The following UNC80 variants were observed in gnomAD, a reference collection of about 807,000 sequenced individuals.
The protein encoded by UNC80 is unc-80 subunit of NALCN channel complex.
A neutral mutation model predicts 384.6 loss-of-function variants in UNC80; 164 were observed. That is an observed-to-expected ratio of 0.43 (90% CI 0.38 to 0.49). The LOEUF is 0.49. UNC80 is among the 20% of genes least tolerant of loss of function. The probability of loss-of-function intolerance (pLI) is 0.00; values close to 1 mark genes in which losing one functional copy is unlikely to be tolerated. For synonymous variants in UNC80, 1,486 were observed against 1,527.8 expected (o/e 0.97, Z 0.64); for missense variants, 3,330 against 4,143.0 (o/e 0.80, Z 5.39).
intron 24 of UNC80, among the ~76,000 whole-genome samples, chr2:209,879,494 C>T (rs1368099721): frequency 6.6e-6 from 1 of 152,024 alleles, no homozygotes; most frequent in African/African-American, 2.4e-5. Flanking sequence ...ATATGATAGC[C>T]CTGAAAGAGC....
At chr2:209,818,027 T>G in intron 11 of UNC80, 75 bp downstream of exon 11, 1 of 1,488,892 alleles carries the variant, frequency 6.7e-7, no homozygotes. Flanking sequence ...CCATGTTACT[T>G]TCCCATTGTA....
intron 35 of UNC80, among the ~76,000 whole-genome samples, chr2:209,923,725 T>C (rs954306678): frequency 6.6e-6 from 1 of 152,204 alleles, no homozygotes; most frequent in Non-Finnish European, 1.5e-5. Context: ...GATGTTAACA[T>C]AGATACTCCA....
chr2:209,949,996 T>C (rs1385112357), intron 47 of UNC80, among the ~76,000 whole-genome samples: 1 of 151,230 alleles, frequency 6.6e-6, no homozygotes, highest in Non-Finnish European at 1.5e-5. Flanking sequence ...CCCTGCTAAG[T>C]TTTTTGATTT....
rs2125001307 is a variant in UNC80 at position 209,959,701 on chromosome 2, A to T, written c.7799A>T (p.His2600Leu). Reference sequence around the variant, plus strand: ...TTGGAACTGCTGGATGTGAAGTCTCACATGAGGTACTGGCCTCGCTTTCCC... The same window carrying T: ...TTGGAACTGCTGGATGTGAAGTCTCTCATGAGGTACTGGCCTCGCTTTCCC... Reference protein sequence around the residue: ...IALELLDVKSHMRLAEIAHSL... With the variant: ...IALELLDVKSLMRLAEIAHSL... Residue 2600 changes from histidine to leucine, a missense_variant, in exon 51 of 65, where the codon CAC becomes CTC. This residue lies in a region of UNC80 where 1,049 missense variants were observed against 1,488.6 expected (regional missense o/e 0.70). Transcript: ENST00000673920. The T allele has an allele frequency of 6.4e-7, 1 of 1,550,642 alleles. No individual in the cohort carries two copies. Among genetic ancestry groups the T allele is most frequent in the Admixed American group, 2.0e-5 (1 of 50,980 alleles).
chr2:209,896,766 G>A (rs1258985625), intron 28 of UNC80, among the ~76,000 whole-genome samples: 1 of 152,048 alleles, frequency 6.6e-6, no homozygotes, highest in Admixed American at 6.6e-5. Context: ...TTGAGAGCAC[G>A]GTCATGGTGT....
chr2:209,836,653 A>G (rs1219301909), intron 18 of UNC80, among the ~76,000 whole-genome samples: 1 of 152,148 alleles, frequency 6.6e-6, no homozygotes, highest in Non-Finnish European at 1.5e-5. Context: ...TCATGATCCC[A>G]ATAGGCCTAG....
intron 29 of UNC80, among the ~76,000 whole-genome samples, chr2:209,909,664 A>G (rs1415251471): frequency 6.6e-6 from 1 of 152,182 alleles, no homozygotes; most frequent in Admixed American, 6.5e-5. Context: ...ACCACAAGTG[A>G]TAAATCCTTA....
rs1156483358 is a variant in UNC80, at chr2:209,815,282, A to G, written c.1226A>G (p.Glu409Gly). 3.2e-6 allele frequency: 5 copies of G among 1,551,704 alleles called. No homozygotes were observed. Among genetic ancestry groups the G allele is most frequent in the Non-Finnish European group, 3.5e-6 (4 of 1,146,986 alleles). ...GATCTCACCATGAAGTGTAACGAGG[A>G]GGAAAAATCTCTTAGCTCTGAGGCC... ...TQDLTMKCNE[E>G]EKSLSSEAFS... Residue 409 changes from glutamate (E) to glycine (G), a missense_variant, in exon 9 of 65, where the codon GAG becomes GGG. This residue lies in a region of UNC80 where 937 missense variants were observed against 1,026.8 expected (regional missense o/e 0.91). Transcript: ENST00000673920.
In UNC80 at chr2:209,935,571, TAA is replaced by T. The variant is rs2091191341; in HGVS notation, c.6179-140_6179-139del. The T allele has an allele frequency of 8.7e-6, 3 of 346,574 alleles. 1 individual carries two copies. The South Asian group carries it at 3.6e-4, about 41-fold the overall frequency. The allele number at this position is 346,574 out of a possible 1,614,324, so 21.5% of individuals were successfully genotyped here. On this transcript the variant is annotated intron_variant, in intron 39 of 64. Transcript: ENST00000673920. ...CTTAAATTTCCAGGTTAAAAATAAA[TAA>T]AATATATATGTAACTATGAATTAAG...
At chr2:209,909,729 C>A (rs975021547) in intron 29 of UNC80, among the ~76,000 whole-genome samples, 3 of 152,152 alleles carry the variant, frequency 2.0e-5, no homozygotes, top group Non-Finnish European at 4.4e-5. Flanking sequence ...GGTCAGGATG[C>A]CGAGAGGAGT....
chr2:209,852,527 T>A lies in UNC80; in HGVS notation c.3627+2904T>A, dbSNP rs535071593. On this transcript the variant is annotated intron_variant, in intron 22 of 64. Transcript: ENST00000673920. Reference sequence around the variant, plus strand: ...AGAGCAAAAGAATTAAGCCAAGAGATGAACCCCAAATAAGGACACACTTAC... The same window carrying A: ...AGAGCAAAAGAATTAAGCCAAGAGAAGAACCCCAAATAAGGACACACTTAC... 3.3e-5 allele frequency among the ~76,000 whole-genome samples: 5 copies of A among 152,212 alleles called. No individual in the cohort carries two copies. In the South Asian group the frequency reaches 1.0e-3, roughly 32 times the overall value.
At chr2:209,817,196 G>T (rs2079803672) in intron 10 of UNC80, 71 bp downstream of exon 10, 1 of 1,411,640 alleles carries the variant, frequency 7.1e-7, no homozygotes, top group African/African-American at 1.4e-5. Flanking sequence ...AGGGCTTCTG[G>T]GCAAATCTGA....
In UNC80 at chr2:209,896,371, C is replaced by T. The variant is rs533991987; in HGVS notation, c.4539C>T (p.Ala1513=). Reference sequence around the variant, plus strand: ...TTGAGCCAGAGGGAATGAGTAATGCCGGCGCGGAGGAGAATTACCACAGAA... The same window carrying T: ...TTGAGCCAGAGGGAATGAGTAATGCTGGCGCGGAGGAGAATTACCACAGAA... ...PSIEPEGMSN[A]GAEENYHRNM... The change falls in exon 28 of 65, where the codon GCC becomes GCT. Residue 1513 remains alanine, a synonymous_variant. Transcript: ENST00000673920. 1.8e-5 allele frequency: 28 copies of T among 1,551,462 alleles called. No individual in the cohort carries two copies. The highest frequency in any genetic ancestry group is 5.9e-5 in the South Asian group (5 of 84,054).
At chr2:209,939,332 T>C in intron 42 of UNC80, 140 bp from the exon 43 acceptor site, 3 of 769,304 alleles carry the variant, frequency 3.9e-6, no homozygotes, top group Non-Finnish European at 6.0e-6. Flanking sequence ...AAAACACATG[T>C]CTCCCTCATT....
intron 49 of UNC80, among the ~76,000 whole-genome samples, 158 bp from the exon 50 acceptor site, chr2:209,958,961 A>T (rs1575145520): frequency 6.6e-6 from 1 of 152,360 alleles, no homozygotes; most frequent in East Asian, 1.9e-4. Flanking sequence ...CAAATGAAAG[A>T]TAAAGCCTTT....
chr2:209,833,899 C>G (rs1219102239), intron 16 of UNC80, 103 bp from the exon 17 acceptor site: 2 of 1,124,748 alleles, frequency 1.8e-6, no homozygotes, highest in Admixed American at 2.5e-5. Context: ...GATTCCAATG[C>G]TCATCTAAGC....
At chr2:209,903,295 A>G (rs1256824339) in intron 28 of UNC80, among the ~76,000 whole-genome samples, 5 of 114,062 alleles carry the variant, frequency 4.4e-5, no homozygotes, top group African/African-American at 1.6e-4. Flanking sequence ...GTGTGTGTGT[A>G]TATACAATAT....
At position 209,815,346 on chromosome 2, in the gene UNC80, A is replaced by G; in HGVS notation, c.1290A>G (p.Ala430=). 1 of 1,551,588 alleles carries G rather than the reference A, an allele frequency of 6.4e-7. No individual in the cohort carries two copies. Among genetic ancestry groups the G allele is most frequent in the Non-Finnish European group, 8.7e-7 (1 of 1,146,884 alleles). Residue 430 remains alanine (A), a synonymous_variant, in exon 9 of 65, where the codon GCA becomes GCG. Transcript: ENST00000673920. ...KVSLTNLRRS[A]VPDLSSDLGM... is the part of the protein sequence containing the mutation. ...CACTGACCAATCTGCGTAGATCTGC[A>G]GTCCCAGATCTTTCTTCAGACCTGG... is the stretch of plus-strand genomic sequence containing the variant.
chr2:209,839,513 C>G lies in UNC80; in HGVS notation c.3250+83C>G. The G allele has an allele frequency of 7.1e-7, 1 of 1,406,082 alleles. No individual in the cohort carries two copies. Among genetic ancestry groups the G allele is most frequent in the Non-Finnish European group, 9.7e-7 (1 of 1,028,272 alleles). 87.1% of individuals were successfully genotyped at this position (1,406,082 alleles called of 1,614,324 possible). ...TCAACTCAGTGATGCATAGTAGGGCCGAAAAAGAAGACCTTCAAGTCATAA... is the reference window on the plus strand; with the variant it reads ...TCAACTCAGTGATGCATAGTAGGGCGGAAAAAGAAGACCTTCAAGTCATAA... On this transcript the variant is annotated intron_variant, in intron 19 of 64. Coordinates refer to ENST00000673920, the MANE Select transcript of UNC80 (RefSeq NM_001371986.1). This position sits in a 1 kb window ranked among gnomAD's most constrained non-coding sequence, Gnocchi z 4.1.
Sources: gnomAD v4.1 joint callset for allele counts (sites outside exome capture counted in the v4.1 genomes callset) on GRCh38, gnomAD v4.1.1 for gene constraint, gnomAD v4.1.1 regional missense constraint, Gnocchi (gnomAD v3.1) non-coding constraint, MANE v1.5 for transcripts, NCBI Gene and HGNC (gene_info 2026-07-23, HGNC 2026-07-21) for gene names.